The following NPAS3 variants were observed in gnomAD, a reference collection of about 807,000 sequenced individuals.
The protein encoded by NPAS3 is neuronal PAS domain-containing protein 3.
In NPAS3, 14 loss-of-function variants were observed where a neutral mutation model predicts 73.1. The observed-to-expected ratio is 0.19, with a 90% CI of 0.13 to 0.30. The LOEUF is 0.30. NPAS3 is among the 10% of genes least tolerant of loss of function. The pLI, the probability that NPAS3 is intolerant of heterozygous loss-of-function variation, is 1.00. For synonymous variants in NPAS3, 620 were observed against 541.5 expected (o/e 1.14, Z -2.01); for missense variants, 1,096 against 1,250.0 (o/e 0.88, Z 1.86).
chr14:33,486,812 T>G (rs759876030), intron 4 of NPAS3, among the ~76,000 whole-genome samples: 7 of 152,204 alleles, frequency 4.6e-5, no homozygotes, highest in African/African-American at 7.2e-5. Flanking sequence ...AACTATTAGT[T>G]ACCTCATCAA....
Position 33,077,774 on chromosome 14 carries a change from G to GTT in NPAS3, c.140+21794_140+21795dup, listed in dbSNP as rs3057435. Among the ~76,000 whole-genome samples the GTT allele has an allele frequency of 1.5e-3, 135 of 87,480 alleles. 8 individuals are homozygous for GTT. The highest frequency in any genetic ancestry group is 0.022 in the Middle Eastern group (2 of 90). The allele number at this position is 87,480 out of a possible 152,430, so 57.4% of individuals were successfully genotyped here. The stretch of plus-strand genomic sequence containing the variant: ...CTTTGCTCAAAACATTGCAGTAAGG[G>GTT]TTTTTTTTTTTTTTTGCCCCTTTTG... On this transcript the variant is annotated intron_variant, in intron 2 of 11. Coordinates refer to ENST00000356141, the Ensembl canonical transcript of NPAS3.
At chr14:33,647,570 G>C (rs748078214) in intron 5 of NPAS3, among the ~76,000 whole-genome samples, 10 of 151,910 alleles carry the variant, frequency 6.6e-5, no homozygotes, top group Non-Finnish European at 1.3e-4. Context: ...GTTTCACCTT[G>C]AACCAATTTG....
intron 5 of NPAS3, among the ~76,000 whole-genome samples, chr14:33,655,331 C>CTT (rs3059406): frequency 0.15 from 15,888 of 105,400 alleles, 1,539 homozygotes; most frequent in Non-Finnish European, 0.21. Flanking sequence ...ACCTTTGGCT[C>CTT]TTTTTTTTTT....
intron 5 of NPAS3, among the ~76,000 whole-genome samples, chr14:33,572,820 C>T (rs1402793404): frequency 4.6e-5 from 7 of 151,904 alleles, no homozygotes; most frequent in Non-Finnish European, 2.9e-5. Flanking sequence ...GTCAAGAGAT[C>T]GAGACCAGCC....
intron 4 of NPAS3, among the ~76,000 whole-genome samples, chr14:33,489,066 G>A (rs990962214): frequency 3.4e-4 from 51 of 152,186 alleles, no homozygotes; most frequent in African/African-American, 1.2e-3. Context: ...GAGTACACCA[G>A]TGATACTTAG....
intron 3 of NPAS3, among the ~76,000 whole-genome samples, chr14:33,332,120 G>A (rs984370999): frequency 6.6e-6 from 1 of 152,222 alleles, no homozygotes; most frequent in East Asian, 1.9e-4. Context: ...CCCATTTAAG[G>A]TAATACAAGG....
intron 2 of NPAS3, among the ~76,000 whole-genome samples, chr14:33,185,511 A>G (rs184912027): frequency 8.5e-5 from 13 of 152,320 alleles, no homozygotes; most frequent in Admixed American, 5.9e-4. Flanking sequence ...TCCTATATTT[A>G]TATTCAGTTT....
chr14:33,130,689 T>C (rs2043604352), intron 2 of NPAS3, among the ~76,000 whole-genome samples: 1 of 152,216 alleles, frequency 6.6e-6, no homozygotes, highest in South Asian at 2.1e-4. Context: ...AGGAGCTGGC[T>C]TCCTAGTCAA....
At chr14:33,618,292 A>G (rs1733945289) in intron 5 of NPAS3, among the ~76,000 whole-genome samples, 1 of 152,000 alleles carries the variant, frequency 6.6e-6, no homozygotes, top group Admixed American at 6.6e-5. Context: ...TGTAAAATAT[A>G]ATGTAATATA....
At chr14:33,725,095 C>A (rs2061227620) in intron 6 of NPAS3, among the ~76,000 whole-genome samples, 1 of 151,918 alleles carries the variant, frequency 6.6e-6, no homozygotes, top group African/African-American at 2.4e-5. Context: ...CAGCCAAGGC[C>A]CCTAGAACCC....
intron 3 of NPAS3, among the ~76,000 whole-genome samples, chr14:33,269,367 A>G (rs1276815267): frequency 2.0e-5 from 3 of 152,292 alleles, no homozygotes; most frequent in South Asian, 2.1e-4. Context: ...CTATGTACTT[A>G]TCTTTCCCAA....
chr14:33,137,691 A>G (rs2043888144), intron 2 of NPAS3, among the ~76,000 whole-genome samples: 1 of 152,180 alleles, frequency 6.6e-6, no homozygotes. Flanking sequence ...AATATTTATA[A>G]TACTGTCAGT....
chr14:32,992,233 C>G (rs771546381), intron 1 of NPAS3, among the ~76,000 whole-genome samples: 6 of 152,084 alleles, frequency 3.9e-5, no homozygotes, highest in Non-Finnish European at 8.8e-5. Flanking sequence ...GTCTGTTGCT[C>G]TCATTTTCTA....
At chr14:32,973,936 A>G (rs1445451056) in intron 1 of NPAS3, among the ~76,000 whole-genome samples, 6 of 152,248 alleles carry the variant, frequency 3.9e-5, no homozygotes, top group Admixed American at 3.3e-4. Flanking sequence ...GCATAACTTT[A>G]GTGAATATAT....
At chr14:32,964,812 CAA>C (rs35728329) in intron 1 of NPAS3, among the ~76,000 whole-genome samples, 2 of 139,442 alleles carry the variant, frequency 1.4e-5, no homozygotes. Context: ...CCTGTCTCTA[CAA>C]AAAAAAAAAA....
At chr14:33,586,092 A>G (rs1386662400) in intron 5 of NPAS3, 2 of 152,082 alleles carry the variant, frequency 1.3e-5, no homozygotes, top group Admixed American at 6.6e-5. Context: ...AGAGACAATC[A>G]TAAAACACCT....
chr14:33,661,029 T>C (rs2059290491), intron 5 of NPAS3, among the ~76,000 whole-genome samples: 1 of 151,320 alleles, frequency 6.6e-6, no homozygotes, highest in Admixed American at 6.6e-5. Context: ...ATACACAATG[T>C]GTTGTTAAAT....
At chr14:33,336,512 C>A (rs2044234147) in intron 3 of NPAS3, among the ~76,000 whole-genome samples, 1 of 152,168 alleles carries the variant, frequency 6.6e-6, no homozygotes, top group Non-Finnish European at 1.5e-5. Context: ...TGGTTGGTTG[C>A]AAAAGAATCC....
rs188377988 is a variant in NPAS3 at position 33,234,603 on chromosome 14, C to T, written c.385+19177C>T. ...AATGAAATTAGAGAGAGTTGGTGAGCGAGAAAACCGTGGCTGTGTGGTGGC... is the reference window on the plus strand; with the variant it reads ...AATGAAATTAGAGAGAGTTGGTGAGTGAGAAAACCGTGGCTGTGTGGTGGC... On this transcript the variant is annotated intron_variant, in intron 3 of 11. Transcript: ENST00000356141. Among the ~76,000 whole-genome samples, 210 of 152,126 alleles carry T rather than the reference C, an allele frequency of 1.4e-3. 1 individual carries two copies. Among genetic ancestry groups the T allele is most frequent in the African/African-American group, 4.7e-3 (196 of 41,524 alleles).
Sources: gnomAD v4.1 joint callset for allele counts (sites outside exome capture counted in the v4.1 genomes callset) on GRCh38, gnomAD v4.1.1 for gene constraint, MANE v1.5 for transcripts, NCBI Gene and HGNC (gene_info 2026-07-23, HGNC 2026-07-21) for gene names.